Variants in C2orf92 observed in about 807,000 individuals in gnomAD.
C2orf92 encodes the protein chromosome 2 open reading frame 92, also known as uncharacterized protein C2orf92.
At chr2:97,674,320 C>T (rs1675506792) in intron 1 of C2orf92, 136 bp from the exon 2 acceptor site, 3 of 395,566 alleles carry the variant, frequency 7.6e-6, no homozygotes, top group African/African-American at 6.2e-5. Context: ...AGTTTCCTTC[C>T]CAAAGACAAG....
chr2:97,688,095 T>A (rs574091662), intron 3 of C2orf92, among the ~76,000 whole-genome samples: 1 of 152,130 alleles, frequency 6.6e-6, no homozygotes, highest in East Asian at 1.9e-4. Context: ...GGCCTTGGCA[T>A]TGGAGGCCAC....
intron 3 of C2orf92, chr2:97,677,727 G>A (rs938884459): frequency 2.0e-5 from 3 of 152,172 alleles, no homozygotes; most frequent in African/African-American, 7.2e-5. Flanking sequence ...TGTTCCTGAG[G>A]AAACCTGGGA....
At chr2:97,665,148 G>T (rs1675165698), upstream of C2orf92, among the ~76,000 whole-genome samples, 1 of 152,198 alleles carries the variant, frequency 6.6e-6, no homozygotes, top group South Asian at 2.1e-4. Context: ...TGCGGCACTG[G>T]AGTCAGCTGC....
intron 3 of C2orf92, among the ~76,000 whole-genome samples, chr2:97,687,363 T>C (rs549452545): frequency 1.3e-5 from 2 of 152,260 alleles, no homozygotes; most frequent in Non-Finnish European, 2.9e-5. Flanking sequence ...CGAGACTTTG[T>C]CTCTAAATAA....
chr2:97,678,214 A>G (rs1308167600), intron 3 of C2orf92, among the ~76,000 whole-genome samples: 3 of 152,078 alleles, frequency 2.0e-5, no homozygotes, highest in Admixed American at 6.6e-5. Context: ...AAATAAAAAA[A>G]AAAAGAAAGG....
At chr2:97,664,219 T>C (rs1020065308) in exon 1 of C2orf92, 7 of 164,634 alleles carry the variant, frequency 4.3e-5, no homozygotes, top group African/African-American at 1.7e-4. Flanking sequence ...TCTGGGATGA[T>C]GTCATGGCTC....
At chr2:97,678,149 G>A (rs1319550735) in intron 3 of C2orf92, among the ~76,000 whole-genome samples, 2 of 151,356 alleles carry the variant, frequency 1.3e-5, no homozygotes, top group Non-Finnish European at 2.9e-5. Flanking sequence ...GCAGTGAGCC[G>A]AGATCGCGCC....
At chr2:97,695,812 C>T (rs184528845) in intron 5 of C2orf92, among the ~76,000 whole-genome samples, 96 of 151,926 alleles carry the variant, frequency 6.3e-4, no homozygotes, top group Non-Finnish European at 1.1e-3. Flanking sequence ...AGTGCGGTGG[C>T]GCAATCTTGG....
chr2:97,685,852 C>G (rs1415293044), intron 3 of C2orf92, among the ~76,000 whole-genome samples: 2 of 152,152 alleles, frequency 1.3e-5, no homozygotes, highest in Non-Finnish European at 2.9e-5. Context: ...TGTGAGCCAC[C>G]GTGCCCAGCC....
rs527551787 is a variant in C2orf92, at chr2:97,687,144, C to T, written c.233-1751C>T. On this transcript the variant is annotated intron_variant, in intron 3 of 7. Coordinates refer to ENST00000627399, the MANE Select transcript of C2orf92 (RefSeq NM_001351368.2). ...CTTTGCAAGGCTGAGGTGGGAGGAT[C>T]ACTTGAGGCCAGGAGTTCCAGACCA... 3.1e-3 allele frequency among the ~76,000 whole-genome samples: 474 copies of T among 150,702 alleles called. 4 individuals are homozygous for T. Among genetic ancestry groups the T allele is most frequent in the African/African-American group, 0.011 (427 of 40,108 alleles).
At chr2:97,684,242 A>G (rs1335400103) in intron 3 of C2orf92, among the ~76,000 whole-genome samples, 2 of 151,958 alleles carry the variant, frequency 1.3e-5, no homozygotes, top group Admixed American at 1.3e-4. Flanking sequence ...TCACCATGGT[A>G]GCCAGGATGG....
chr2:97,683,260 T>C (rs1412880517), intron 3 of C2orf92, among the ~76,000 whole-genome samples: 1 of 152,130 alleles, frequency 6.6e-6, no homozygotes, highest in Admixed American at 6.5e-5. Flanking sequence ...TTTACGATTA[T>C]ATCAAAAAGA....
intron 7 of C2orf92, chr2:97,701,926 G>T (rs1389068830): frequency 1.3e-5 from 2 of 152,276 alleles, no homozygotes; most frequent in Admixed American, 1.3e-4. Context: ...TAAATATTTT[G>T]GTTAGGCCTC....
chr2:97,674,698 A>T (rs1218528045), intron 2 of C2orf92, 141 bp downstream of exon 2: 1 of 394,880 alleles, frequency 2.5e-6, no homozygotes, highest in Non-Finnish European at 4.5e-6. Flanking sequence ...TGAGATGTGA[A>T]GAACTCTCTG....
intron 2 of C2orf92, 96 bp from the exon 3 acceptor site, chr2:97,675,749 C>G (rs886143987): frequency 7.5e-6 from 3 of 398,258 alleles, no homozygotes; most frequent in Admixed American, 4.4e-5. Flanking sequence ...GCATGATGCT[C>G]ACCTCAAAAT....
At chr2:97,676,084 C>T (rs962320562) in intron 3 of C2orf92, among the ~76,000 whole-genome samples, 156 bp downstream of exon 3, 3 of 151,918 alleles carry the variant, frequency 2.0e-5, no homozygotes, top group African/African-American at 4.8e-5. Flanking sequence ...GTCAAAACCT[C>T]GATAAATTAA....
At chr2:97,691,844 C>T (rs561377095) in intron 5 of C2orf92, among the ~76,000 whole-genome samples, 5 of 152,102 alleles carry the variant, frequency 3.3e-5, no homozygotes, top group Admixed American at 6.6e-5. Context: ...GCTGAGATCG[C>T]GCCACTGCAC....
intron 2 of C2orf92, among the ~76,000 whole-genome samples, chr2:97,675,115 T>A (rs1357763228): frequency 6.6e-6 from 1 of 152,124 alleles, no homozygotes; most frequent in Non-Finnish European, 1.5e-5. Context: ...TGGCCACATA[T>A]GCAAAAATAA....
chr2:97,689,927 G>T (rs746159385), intron 4 of C2orf92, among the ~76,000 whole-genome samples: 1 of 152,072 alleles, frequency 6.6e-6, no homozygotes, highest in Non-Finnish European at 1.5e-5. Flanking sequence ...TCAGGAGTTC[G>T]AGACCAGCCT....
Sources: gnomAD v4.1 joint callset for allele counts (sites outside exome capture counted in the v4.1 genomes callset) on GRCh38, gnomAD v4.1.1 for gene constraint, MANE v1.5 for transcripts, NCBI Gene and HGNC (gene_info 2026-07-23, HGNC 2026-07-21) for gene names.